Variants in POFUT3 observed in about 807,000 individuals in gnomAD.
POFUT3 encodes protein O-fucosyltransferase 3, also known as GDP-fucose protein O-fucosyltransferase 3.
the POFUT3 span, among the ~76,000 whole-genome samples, chr8:33,467,691 T>C: frequency 6.6e-6 from 1 of 152,192 alleles, no homozygotes; most frequent in Non-Finnish European, 1.5e-5. Flanking sequence ...TGCTATGCCA[T>C]CAAAACCAGC....
the POFUT3 span, among the ~76,000 whole-genome samples, chr8:33,449,481 G>A: frequency 6.6e-6 from 1 of 151,774 alleles, no homozygotes; most frequent in Non-Finnish European, 1.5e-5. Flanking sequence ...GTAGAAGCAG[G>A]GTTTCACCAT....
chr8:33,342,315 C>CTGTGTA, the POFUT3 span, among the ~76,000 whole-genome samples: 1 of 152,056 alleles, frequency 6.6e-6, no homozygotes, highest in Non-Finnish European at 1.5e-5. Flanking sequence ...TGTGTTTGTA[C>CTGTGTA]CACTGCACTC....
At chr8:33,445,877 T>C in the POFUT3 span, among the ~76,000 whole-genome samples, 2 of 152,120 alleles carry the variant, frequency 1.3e-5, no homozygotes, top group African/African-American at 4.8e-5. Flanking sequence ...AAATTTCAAA[T>C]GCCAGAAACC....
At chr8:33,424,644 C>A in the POFUT3 span, among the ~76,000 whole-genome samples, 1 of 152,202 alleles carries the variant, frequency 6.6e-6, no homozygotes, top group Non-Finnish European at 1.5e-5. Context: ...CCTTTCACTC[C>A]ATTTTTCTTC....
the POFUT3 span, among the ~76,000 whole-genome samples, chr8:33,447,298 A>T: frequency 6.6e-6 from 1 of 152,104 alleles, no homozygotes. Flanking sequence ...AAATACAAAA[A>T]ATTAGCCAAG....
the POFUT3 span, among the ~76,000 whole-genome samples, chr8:33,386,688 T>TATAC: frequency 6.6e-6 from 1 of 152,040 alleles, no homozygotes; most frequent in Non-Finnish European, 1.5e-5. Context: ...CGGGTGCCTG[T>TATAC]AGTCCCAGCT....
chr8:33,466,593 A>T, the POFUT3 span, among the ~76,000 whole-genome samples: 2 of 152,140 alleles, frequency 1.3e-5, no homozygotes, highest in East Asian at 3.8e-4. Flanking sequence ...TACAACCATT[A>T]TCCAGGCCTC....
chr8:33,333,939 T>C, the POFUT3 span, among the ~76,000 whole-genome samples: 2 of 152,140 alleles, frequency 1.3e-5, no homozygotes, highest in East Asian at 3.9e-4. Context: ...CCAGGTTATA[T>C]AGGGAAAGAC....
chr8:33,384,693 C>A, the POFUT3 span, among the ~76,000 whole-genome samples: 1 of 151,944 alleles, frequency 6.6e-6, no homozygotes, highest in Non-Finnish European at 1.5e-5. Context: ...TGGTGGTGAG[C>A]GCCTGTAATC....
chr8:33,342,581 A>G, the POFUT3 span, among the ~76,000 whole-genome samples: 2 of 152,254 alleles, frequency 1.3e-5, no homozygotes, highest in African/African-American at 4.8e-5. Context: ...ATTAGCCATT[A>G]GGAAAATGTG....
At chr8:33,370,130 A>G in the POFUT3 span, among the ~76,000 whole-genome samples, 5 of 146,020 alleles carry the variant, frequency 3.4e-5, no homozygotes, top group East Asian at 1.0e-3. Context: ...GCAGGAATTC[A>G]AGACCAGCCT....
the POFUT3 span, among the ~76,000 whole-genome samples, chr8:33,344,216 G>C: frequency 6.6e-6 from 1 of 152,088 alleles, no homozygotes; most frequent in Non-Finnish European, 1.5e-5. Flanking sequence ...TTAAAAAAAT[G>C]TCAAGTCTGG....
chr8:33,308,786 T>C, the POFUT3 span, among the ~76,000 whole-genome samples: 1 of 152,024 alleles, frequency 6.6e-6, no homozygotes, highest in Non-Finnish European at 1.5e-5. Context: ...CTGGGCCTCA[T>C]GTCAAACAAC....
the POFUT3 span, among the ~76,000 whole-genome samples, chr8:33,339,688 C>T: frequency 1.3e-5 from 2 of 152,218 alleles, no homozygotes; most frequent in Admixed American, 1.3e-4. Flanking sequence ...ATAAATGACA[C>T]CTTACCTATT....
the POFUT3 span, among the ~76,000 whole-genome samples, chr8:33,365,770 G>A: frequency 6.6e-6 from 1 of 152,304 alleles, no homozygotes; most frequent in African/African-American, 2.4e-5. Flanking sequence ...ATGCTGAAGA[G>A]GATGTGGAGA....
chr8:33,377,067 C>T, the POFUT3 span, among the ~76,000 whole-genome samples: 1 of 152,046 alleles, frequency 6.6e-6, no homozygotes, highest in Non-Finnish European at 1.5e-5. Context: ...CCCATCTCTA[C>T]TAAAAATGTA....
the POFUT3 span, among the ~76,000 whole-genome samples, chr8:33,455,228 G>C: frequency 6.6e-6 from 1 of 152,104 alleles, no homozygotes; most frequent in Non-Finnish European, 1.5e-5. Flanking sequence ...CTCCCACTTA[G>C]AACCACATTT....
At chr8:33,450,645 C>A in the POFUT3 span, among the ~76,000 whole-genome samples, 1 of 152,234 alleles carries the variant, frequency 6.6e-6, no homozygotes, top group South Asian at 2.1e-4. Flanking sequence ...TTACACAGAG[C>A]CTTGAATGCC....
chr8:33,325,474 T>A, the POFUT3 span, among the ~76,000 whole-genome samples: 2 of 152,212 alleles, frequency 1.3e-5, no homozygotes, highest in African/African-American at 4.8e-5. Flanking sequence ...GAGTTAGCTA[T>A]CACCACCATG....
Sources: gnomAD v4.1 joint callset for allele counts (sites outside exome capture counted in the v4.1 genomes callset) on GRCh38, gnomAD v4.1.1 for gene constraint, MANE v1.5 for transcripts, NCBI Gene and HGNC (gene_info 2026-07-23, HGNC 2026-07-21) for gene names.